Variants in ATP8A2 observed in about 807,000 individuals in gnomAD.
ATP8A2 encodes the protein phospholipid-transporting ATPase IB.
Under a neutral mutation model 165.6 loss-of-function variants are expected in ATP8A2, and 100 were observed. That is an observed-to-expected ratio of 0.60 (90% CI 0.51 to 0.71). The LOEUF (loss-of-function observed/expected upper bound fraction) is 0.71, where lower values mean the gene tolerates loss of function less well. Among genes scored for constraint, ATP8A2 ranks in the 30% least tolerant of loss-of-function variants. ATP8A2 has a pLI of 0.00. For missense variants in ATP8A2, 1,227 were observed against 1,479.5 expected, an observed-to-expected ratio of 0.83 and a Z score of 2.80; for synonymous variants, 543 against 548.8, an observed-to-expected ratio of 0.99 and a Z score of 0.15.
chr13:25,660,581 C>A (rs1369576019), intron 24 of ATP8A2, among the ~76,000 whole-genome samples: 1 of 151,644 alleles, frequency 6.6e-6, no homozygotes, highest in African/African-American at 2.4e-5. Context: ...ACACTGTAAA[C>A]CTAAAACAAA....
rs539255947 is a variant in ATP8A2 at position 25,580,379 on chromosome 13, TTTG to T, written c.2007+444_2007+446del. ...GCTACTCCACATTGCCTACTTTGAT[TTTG>T]TTGTTGTTGTTATTCTTTTCAGTTT... On this transcript the variant is annotated intron_variant, in intron 22 of 36. Coordinates refer to ENST00000381655, the MANE Select transcript of ATP8A2 (RefSeq NM_016529.6). Among the ~76,000 whole-genome samples, 464 of 152,304 alleles carry T rather than the reference TTTG, an allele frequency of 3.0e-3. 2 individuals carry two copies. Among genetic ancestry groups the T allele is most frequent in the Admixed American group, 4.8e-3 (74 of 15,302 alleles).
At chr13:25,595,016 GCGTATA>G (rs2040199230) in intron 24 of ATP8A2, among the ~76,000 whole-genome samples, 1 of 146,024 alleles carries the variant, frequency 6.8e-6, no homozygotes, top group Admixed American at 6.8e-5. Flanking sequence ...ATGTATGTAT[GCGTATA>G]TGTATATGTA....
chr13:25,544,230 A>G (rs1436682018), intron 10 of ATP8A2, among the ~76,000 whole-genome samples: 1 of 152,238 alleles, frequency 6.6e-6, no homozygotes, highest in East Asian at 1.9e-4. Context: ...ATGACAAAGT[A>G]GAGAGAGAGA....
Position 25,829,682 on chromosome 13 carries a change from A to G in ATP8A2, c.2754+1490A>G, listed in dbSNP as rs1172757617. 4.1e-3 allele frequency among the ~76,000 whole-genome samples: 134 copies of G among 32,954 alleles called. 2 individuals are homozygous for G. The highest frequency in any genetic ancestry group is 0.015 in the African/African-American group (127 of 8,736). 21.6% of individuals were successfully genotyped at this position (32,954 alleles called of 152,430 possible). ...GGACAGGTGTGGTATATATATATAT[A>G]TATATATATATATATATATATATAT... On this transcript the variant is annotated intron_variant, in intron 28 of 36. Coordinates refer to ENST00000381655, the MANE Select transcript of ATP8A2 (RefSeq NM_016529.6).
At position 25,482,272 on chromosome 13, in the gene ATP8A2, TC is replaced by T. The variant is rs553032183; in HGVS notation, c.221+13152del. 3.2e-3 allele frequency among the ~76,000 whole-genome samples: 490 copies of T among 152,316 alleles called. 3 individuals carry two copies. The highest frequency in any genetic ancestry group is 6.8e-3 in the Middle Eastern group (2 of 294). On this transcript the variant is annotated intron_variant, in intron 2 of 36. Transcript: ENST00000381655. ...TAGGCCCCAGGAACTCTGAGACTGA[TC>T]ATAAGTCTTGTTCCTTAAGTACCAT...
intron 1 of ATP8A2, among the ~76,000 whole-genome samples, chr13:25,378,427 G>A (rs1295232611): frequency 2.0e-5 from 3 of 151,736 alleles, no homozygotes; most frequent in African/African-American, 7.3e-5. Flanking sequence ...CCAGGTGAGT[G>A]TAGAAAAAGC....
intron 33 of ATP8A2, among the ~76,000 whole-genome samples, chr13:25,872,312 C>T (rs1593482430): frequency 6.6e-6 from 1 of 152,002 alleles, no homozygotes; most frequent in African/African-American, 2.4e-5. Context: ...CAGCCTGGAG[C>T]GGCTAGGACA....
chr13:25,983,483 T>C (rs777563608), intron 35 of ATP8A2, among the ~76,000 whole-genome samples: 23 of 152,316 alleles, frequency 1.5e-4, no homozygotes, highest in Admixed American at 4.6e-4. Context: ...GCTGAGCAAG[T>C]AGCATTATAA....
intron 33 of ATP8A2, among the ~76,000 whole-genome samples, chr13:25,939,591 C>T (rs1593593393): frequency 6.6e-6 from 1 of 151,534 alleles, no homozygotes; most frequent in Non-Finnish European, 1.5e-5. Context: ...GTGGAGACTC[C>T]TCTGTTACCA....
chr13:25,413,981 G>A (rs1367129000), intron 1 of ATP8A2, among the ~76,000 whole-genome samples: 2 of 151,952 alleles, frequency 1.3e-5, no homozygotes, highest in South Asian at 2.1e-4. Context: ...CGGAGTGAGC[G>A]TGAGGCGTGG....
chr13:25,687,973 A>C (rs189905066), intron 24 of ATP8A2, among the ~76,000 whole-genome samples: 1 of 152,060 alleles, frequency 6.6e-6, no homozygotes, highest in Non-Finnish European at 1.5e-5. Flanking sequence ...ATGAAGTCCA[A>C]GTGCTTCCTC....
intron 24 of ATP8A2, among the ~76,000 whole-genome samples, chr13:25,594,902 A>G (rs2040192410): frequency 6.6e-6 from 1 of 151,862 alleles, no homozygotes; most frequent in African/African-American, 2.4e-5. Flanking sequence ...ATAGCAGCAC[A>G]ATTCACAGTT....
intron 1 of ATP8A2, among the ~76,000 whole-genome samples, chr13:25,448,123 G>C (rs1471119523): frequency 6.6e-6 from 1 of 152,182 alleles, no homozygotes; most frequent in African/African-American, 2.4e-5. Context: ...CCAGGCTTGA[G>C]GGTGGAACCC....
chr13:25,951,023 C>T (rs991182549), intron 33 of ATP8A2, among the ~76,000 whole-genome samples: 3 of 152,164 alleles, frequency 2.0e-5, no homozygotes, highest in East Asian at 1.9e-4. Flanking sequence ...CCGGAATGCG[C>T]CTGCACTTGC....
intron 33 of ATP8A2, among the ~76,000 whole-genome samples, chr13:25,955,375 C>G (rs535247394): frequency 2.6e-5 from 4 of 152,164 alleles, no homozygotes; most frequent in Non-Finnish European, 5.9e-5. Context: ...AAATAGACTG[C>G]TAGCCAGACT....
At chr13:25,461,157 C>A (rs929704329) in intron 1 of ATP8A2, among the ~76,000 whole-genome samples, 1 of 152,236 alleles carries the variant, frequency 6.6e-6, no homozygotes, top group Admixed American at 6.5e-5. Context: ...CCATCAGTGT[C>A]GCTTTCCCTT....
intron 25 of ATP8A2, among the ~76,000 whole-genome samples, chr13:25,736,528 C>G (rs12877184): frequency 0.46 from 69,226 of 152,042 alleles, 16,026 homozygotes; most frequent in East Asian, 0.57. Flanking sequence ...GACATAAATA[C>G]AAGTGTGACT....
chr13:25,740,170 G>A (rs1224656139), intron 25 of ATP8A2, among the ~76,000 whole-genome samples: 2 of 152,058 alleles, frequency 1.3e-5, no homozygotes, highest in African/African-American at 4.8e-5. Context: ...TTAGCTAGGC[G>A]TGGTGGTGGG....
intron 24 of ATP8A2, among the ~76,000 whole-genome samples, chr13:25,619,820 G>A (rs962867447): frequency 6.6e-6 from 1 of 152,212 alleles, no homozygotes; most frequent in Non-Finnish European, 1.5e-5. Context: ...GGTCTCTATT[G>A]CATAGCCTTT....
Sources: allele counts gnomAD v4.1 joint callset (sites outside exome capture counted in the v4.1 genomes callset), GRCh38; gene constraint gnomAD v4.1.1; transcripts MANE v1.5; gene names NCBI Gene and HGNC (gene_info 2026-07-23, HGNC 2026-07-21).